The following ZNF738 variants were observed in gnomAD, a reference collection of about 807,000 sequenced individuals.
The protein encoded by ZNF738 is zinc finger protein 738, also known as protein ZNF738.
ZNF738 carries 10 observed loss-of-function variants against 9.2 expected under a neutral mutation model. The observed-to-expected ratio is 1.09, with a 90% CI of 0.67 to 1.85. The LOEUF (loss-of-function observed/expected upper bound fraction) is 1.85, where lower values mean the gene tolerates loss of function less well. Among genes scored for constraint, ZNF738 ranks in the 40% most tolerant of loss-of-function variants. The probability of loss-of-function intolerance (pLI) is 0.00; values close to 1 mark genes in which losing one functional copy is unlikely to be tolerated. For missense variants in ZNF738, 346 were observed against 283.6 expected (o/e 1.22, Z -1.58); for synonymous variants, 113 against 94.5 (o/e 1.20, Z -1.14).
chr19:21,359,257 C>G (rs1390725432), intron 1 of ZNF738, 114 bp downstream of exon 1: 1 of 823,710 alleles, frequency 1.2e-6, no homozygotes, highest in African/African-American at 1.7e-5. Flanking sequence ...ATCTGCGCCC[C>G]GAGTTCTCCT....
Position 21,386,389 on chromosome 19 carries a change from A to C in ZNF738, c.*2715A>C, listed in dbSNP as rs2145246879. 3.2e-6 allele frequency: 1 copy of C among 311,632 alleles called. No individual in the cohort carries two copies. The highest frequency in any genetic ancestry group is 8.4e-5 in the East Asian group (1 of 11,872). The allele number at this position is 311,632 out of a possible 1,614,324, so 19.3% of individuals were successfully genotyped here. A position where few individuals can be genotyped will look rare whatever the true frequency, so the allele number is the denominator to read the frequency against. On this transcript the variant is annotated 3_prime_UTR_variant, in exon 5 of 5. Coordinates refer to ENST00000683779, the MANE Select transcript of ZNF738 (RefSeq NM_001355237.2). Reference sequence around the variant, plus strand: ...TCAATCCTCAAACCTTACTAAACATAAGATAACTCATACTGGAGAAAAATC... The same window carrying C: ...TCAATCCTCAAACCTTACTAAACATCAGATAACTCATACTGGAGAAAAATC...
At chr19:21,372,404 C>T (rs1381107854) in intron 2 of ZNF738, 1 of 152,118 alleles carries the variant, frequency 6.6e-6, no homozygotes, top group African/African-American at 2.4e-5. Context: ...CTGGAGTGTT[C>T]CCTTACAAAA....
chr19:21,364,119 C>T (rs1168129840), intron 2 of ZNF738, among the ~76,000 whole-genome samples: 1 of 141,596 alleles, frequency 7.1e-6, no homozygotes, highest in Non-Finnish European at 1.5e-5. Context: ...AATGTTTGAA[C>T]CCGGGAGATG....
chr19:21,366,013 G>T (rs191181594), intron 2 of ZNF738, among the ~76,000 whole-genome samples: 1 of 151,864 alleles, frequency 6.6e-6, no homozygotes, highest in African/African-American at 2.4e-5. Flanking sequence ...TCTACACACA[G>T]AGTACAACTG....
rs527443645 is a variant in ZNF738, at chr19:21,374,286, G to A, written c.97-952G>A. 3.8e-4 allele frequency among the ~76,000 whole-genome samples: 58 copies of A among 151,766 alleles called. 1 individual carries two copies. The South Asian group carries it at 0.012, about 31-fold the overall frequency. ...TTGCGAGATACCCGCTTTCTAGGGT[G>A]CTAAAGAAAGACTACTTTAAATTGT... On this transcript the variant is annotated intron_variant, in intron 2 of 4. Transcript: ENST00000683779.
At chr19:21,377,991 G>A (rs1973954576) in intron 4 of ZNF738, 1 of 396,314 alleles carries the variant, frequency 2.5e-6, no homozygotes, top group South Asian at 1.3e-4. Context: ...TCTTTCTTAT[G>A]TTGTTTTCTG....
chr19:21,370,114 G>T (rs1423483140), intron 2 of ZNF738, among the ~76,000 whole-genome samples: 1 of 152,120 alleles, frequency 6.6e-6, no homozygotes, highest in Non-Finnish European at 1.5e-5. Context: ...GCCCATAATG[G>T]TTGAAAGCTT....
rs1201160294 is a variant in ZNF738 at position 21,385,477 on chromosome 19, A to G, written c.*1803A>G. On this transcript the variant is annotated 3_prime_UTR_variant, in exon 5 of 5. Transcript: ENST00000683779. ...TCTCCAAAAAAATAAATAAATAAAT[A>G]AAAAAAATAAGAGAGTTCATACTAG... Among the ~76,000 whole-genome samples, 1 of 151,270 alleles carries G rather than the reference A, an allele frequency of 6.6e-6. No homozygotes were observed. Among genetic ancestry groups the G allele is most frequent in the Non-Finnish European group, 1.5e-5 (1 of 67,758 alleles).
intron 1 of ZNF738, among the ~76,000 whole-genome samples, chr19:21,360,038 TAC>T (rs1973661531): frequency 6.6e-6 from 1 of 152,306 alleles, no homozygotes; most frequent in Non-Finnish European, 1.5e-5. Flanking sequence ...ATTGGTTAGG[TAC>T]AGTTACGTGG....
Position 21,385,456 on chromosome 19 carries a change from C to CAA in ZNF738, c.*1788_*1789dup, listed in dbSNP as rs201148878. 1.4e-5 allele frequency among the ~76,000 whole-genome samples: 2 copies of CAA among 144,874 alleles called. No individual in the cohort carries two copies. Among genetic ancestry groups the CAA allele is most frequent in the African/African-American group, 5.1e-5 (2 of 39,034 alleles). ...GGATGACAGAGAGAGACTCTATCTCCAAAAAAATAAATAAATAAATAAAAA... is the reference window on the plus strand; with the variant it reads ...GGATGACAGAGAGAGACTCTATCTCCAAAAAAAAATAAATAAATAAATAAAAA... On this transcript the variant is annotated 3_prime_UTR_variant, in exon 5 of 5. Transcript: ENST00000683779.
At chr19:21,364,650 A>G (rs931414413) in intron 2 of ZNF738, among the ~76,000 whole-genome samples, 16 of 152,148 alleles carry the variant, frequency 1.1e-4, no homozygotes, top group African/African-American at 3.9e-4. Flanking sequence ...AATGAAAGGA[A>G]GTTTATTAAG....
Position 21,375,483 on chromosome 19 carries a change from C to A in ZNF738, c.223+119C>A, listed in dbSNP as rs76249831. The A allele has an allele frequency of 3.5e-3, 1,841 of 531,924 alleles. 21 individuals are homozygous for A. Among genetic ancestry groups the A allele is most frequent in the South Asian group, 0.022 (733 of 33,026 alleles). 33.0% of individuals were successfully genotyped at this position (531,924 alleles called of 1,614,324 possible). On this transcript the variant is annotated intron_variant, in intron 3 of 4. Transcript: ENST00000683779. The stretch of plus-strand genomic sequence containing the variant: ...TAAATGCGTTTCTGATCCCTGTTTT[C>A]AAAAAATTGCGAGGAATTATCCATG...
In ZNF738 at chr19:21,382,898, C is replaced by A; in HGVS notation, c.352C>A (p.Pro118Thr). The change falls in exon 5 of 5, where the codon CCA becomes ACA. Residue 118 changes from proline to threonine, a missense_variant. Transcript: ENST00000683779. ...TTCTCATTTTGCCCAGGACCTTTGG[C>A]CACAGCCGGGCATAAAAGATTCTTT... ...TYSHFAQDLWPQPGIKDSFQK... is the reference protein window; with the variant it reads ...TYSHFAQDLWTQPGIKDSFQK... 1 of 513,142 alleles carries A rather than the reference C, an allele frequency of 1.9e-6. No individual in the cohort carries two copies. Among genetic ancestry groups the A allele is most frequent in the Non-Finnish European group, 3.7e-6 (1 of 268,656 alleles). The allele number at this position is 513,142 out of a possible 1,614,324, so 31.8% of individuals were successfully genotyped here. A position where few individuals can be genotyped will look rare whatever the true frequency, so the allele number is the denominator to read the frequency against.
chr19:21,364,116 G>C (rs1435575640), intron 2 of ZNF738, among the ~76,000 whole-genome samples: 2 of 148,294 alleles, frequency 1.3e-5, no homozygotes, highest in Admixed American at 6.8e-5. Flanking sequence ...AGAAATGTTT[G>C]AACCCGGGAG....
chr19:21,384,630 A>T lies in ZNF738; in HGVS notation c.*956A>T, dbSNP rs557355640. ...AGCTTTTTAAAAATCCTCAAACCTT[A>T]CTAATCATAAGATAACTCATACTGG... is the stretch of plus-strand genomic sequence containing the variant. On this transcript the variant is annotated 3_prime_UTR_variant, in exon 5 of 5. Transcript: ENST00000683779. Among the ~76,000 whole-genome samples the T allele has an allele frequency of 6.6e-6, 1 of 152,326 alleles. No homozygotes were observed. Among genetic ancestry groups the T allele is most frequent in the East Asian group, 1.9e-4 (1 of 5,172 alleles).
chr19:21,383,134 A>C lies in ZNF738; in HGVS notation c.588A>C (p.Thr196=). ...HKFLNSNTHK[T]RHTGKKPFKC... ...TTTTAAATTCAAATACACATAAGACAAGACATACTGGAAAGAAACCTTTCA... is the reference window on the plus strand; with the variant it reads ...TTTTAAATTCAAATACACATAAGACCAGACATACTGGAAAGAAACCTTTCA... The change falls in exon 5 of 5, where the codon ACA becomes ACC. Residue 196 remains threonine, a synonymous_variant. Coordinates refer to ENST00000683779, the MANE Select transcript of ZNF738 (RefSeq NM_001355237.2). The C allele has an allele frequency of 6.3e-7, 1 of 1,588,076 alleles. No individual in the cohort carries two copies. Among genetic ancestry groups the C allele is most frequent in the Middle Eastern group, 1.7e-4 (1 of 5,984 alleles).
intron 4 of ZNF738, chr19:21,378,692 C>T (rs1408861593): frequency 5.2e-6 from 2 of 384,674 alleles, no homozygotes; most frequent in Non-Finnish European, 1.1e-5. Context: ...CGCTGTGTCC[C>T]AGGTTCAAGC....
Position 21,375,875 on chromosome 19 carries a change from A to C in ZNF738, c.230A>C (p.Asp77Ala), listed in dbSNP as rs753990866. Residue 77 changes from aspartate (D) to alanine (A), a missense_variant, in exon 4 of 5, where the codon GAT (aspartate) becomes GCT (alanine). Physicochemically the swap from Asp to Ala is moderately radical, Grantham distance 126. Coordinates refer to ENST00000683779, the MANE Select transcript of ZNF738 (RefSeq NM_001355237.2). The stretch of plus-strand genomic sequence containing the variant: ...TTTATTTTTAATAAATCAGGTATTG[A>C]TGTCTCTAAGCCAGATCTGATCACC... Reference protein sequence around the residue: ...NFRNLVFLGIDVSKPDLITCL... With the variant: ...NFRNLVFLGIAVSKPDLITCL... 2 of 787,960 alleles carry C rather than the reference A, an allele frequency of 2.5e-6. No individual in the cohort carries two copies. Among genetic ancestry groups the C allele is most frequent in the South Asian group, 2.7e-5 (2 of 73,388 alleles). 48.8% of individuals were successfully genotyped at this position (787,960 alleles called of 1,614,324 possible). A position where few individuals can be genotyped will look rare whatever the true frequency, so the allele number is the denominator to read the frequency against.
At chr19:21,369,410 C>A (rs190690076) in intron 2 of ZNF738, among the ~76,000 whole-genome samples, 1 of 152,246 alleles carries the variant, frequency 6.6e-6, no homozygotes, top group Admixed American at 6.5e-5. Context: ...CTCATGCTAC[C>A]ATATTATATT....
Sources: gnomAD v4.1 joint callset for allele counts (sites outside exome capture counted in the v4.1 genomes callset) on GRCh38, gnomAD v4.1.1 for gene constraint, MANE v1.5 for transcripts, NCBI Gene and HGNC (gene_info 2026-07-23, HGNC 2026-07-21) for gene names.